IL1RAPL1: variants seen among roughly 807,000 people sequenced by gnomAD.
The protein encoded by IL1RAPL1 is interleukin 1 receptor accessory protein like 1.
A neutral mutation model predicts 48.4 loss-of-function variants in IL1RAPL1; 3 were observed. The observed-to-expected ratio is 0.06, with a 90% CI of 0.03 to 0.16. The LOEUF (loss-of-function observed/expected upper bound fraction) is 0.16, where lower values mean the gene tolerates loss of function less well. Ranked by LOEUF, IL1RAPL1 falls within the 10% of genes least tolerant of loss-of-function variation. The probability of loss-of-function intolerance (pLI) is 1.00; values close to 1 mark genes in which losing one functional copy is unlikely to be tolerated. For missense variants in IL1RAPL1, 349 were observed against 530.6 expected, an observed-to-expected ratio of 0.66 and a Z score of 3.36; for synonymous variants, 185 against 187.7, an observed-to-expected ratio of 0.99 and a Z score of 0.12.
At chrX:29,763,115 T>C (rs1187189946) in intron 6 of IL1RAPL1, among the ~76,000 whole-genome samples, 2 of 108,915 alleles carry the variant, frequency 1.8e-5, no homozygotes, top group African/African-American at 6.7e-5. Flanking sequence ...ATCATGGTAA[T>C]ATAAGGGAAC....
chrX:29,694,548 C>T (rs867510217), intron 6 of IL1RAPL1, among the ~76,000 whole-genome samples: 6 of 111,307 alleles, frequency 5.4e-5, no homozygotes, highest in South Asian at 7.6e-4. Flanking sequence ...GCTTATGAAC[C>T]TTGAAATTTT....
At chrX:29,436,549 C>T (rs1348756506) in intron 5 of IL1RAPL1, among the ~76,000 whole-genome samples, 3 of 109,779 alleles carry the variant, frequency 2.7e-5, no homozygotes, top group Admixed American at 9.7e-5. Flanking sequence ...CATACTCCCC[C>T]GCCCTTTTTT....
intron 1 of IL1RAPL1, among the ~76,000 whole-genome samples, chrX:28,681,742 G>C (rs1269301455): frequency 8.9e-6 from 1 of 111,964 alleles, no homozygotes; most frequent in African/African-American, 3.2e-5. Context: ...ATTTAAGAAT[G>C]TATACATATA....
At chrX:29,457,209 A>G (rs746370568) in intron 5 of IL1RAPL1, among the ~76,000 whole-genome samples, 2 of 108,542 alleles carry the variant, frequency 1.8e-5, no homozygotes, top group East Asian at 5.7e-4. Flanking sequence ...TTTGGTCCAA[A>G]GCATGTGTTT....
chrX:29,268,727 C>A (rs1020073591), intron 2 of IL1RAPL1, among the ~76,000 whole-genome samples: 12 of 111,930 alleles, frequency 1.1e-4, no homozygotes, highest in African/African-American at 3.9e-4. Flanking sequence ...CTGCTTAATG[C>A]GCTATGCAGT....
chrX:29,414,821 A>C (rs767070250), intron 5 of IL1RAPL1, among the ~76,000 whole-genome samples: 1 of 112,004 alleles, frequency 8.9e-6, no homozygotes, highest in African/African-American at 3.2e-5. Flanking sequence ...CTTTATATTA[A>C]CTGCTTTTAG....
chrX:29,414,299 AT>A (rs1173210404), intron 5 of IL1RAPL1, among the ~76,000 whole-genome samples: 1 of 112,114 alleles, frequency 8.9e-6, no homozygotes, highest in Non-Finnish European at 1.9e-5. Flanking sequence ...TTTTGAATGT[AT>A]TTAATGCCAT....
At chrX:28,930,157 A>G (rs189739584) in intron 2 of IL1RAPL1, among the ~76,000 whole-genome samples, 96 of 112,138 alleles carry the variant, frequency 8.6e-4, no homozygotes, top group African/African-American at 2.9e-3. Flanking sequence ...TATGTCAACA[A>G]TCCTTACTCT....
intron 1 of IL1RAPL1, among the ~76,000 whole-genome samples, chrX:28,629,044 C>T (rs1179523667): frequency 9.0e-6 from 1 of 111,428 alleles, no homozygotes; most frequent in Non-Finnish European, 1.9e-5. Flanking sequence ...TATGTATTAT[C>T]ATTTTGCAAA....
At chrX:29,276,766 T>G (rs762176169) in intron 2 of IL1RAPL1, among the ~76,000 whole-genome samples, 1 of 111,454 alleles carries the variant, frequency 9.0e-6, no homozygotes, top group African/African-American at 3.3e-5. Flanking sequence ...TCCTCCCACA[T>G]CAGCCTTTTG....
chrX:29,307,811 T>C (rs750810223), intron 3 of IL1RAPL1, among the ~76,000 whole-genome samples: 45 of 112,225 alleles, frequency 4.0e-4, no homozygotes, highest in Non-Finnish European at 5.5e-4. Flanking sequence ...TTGGAGATGA[T>C]AAAATACAAG....
At chrX:29,244,444 A>T (rs1469238433) in intron 2 of IL1RAPL1, among the ~76,000 whole-genome samples, 4 of 112,334 alleles carry the variant, frequency 3.6e-5, no homozygotes, top group Admixed American at 9.4e-5. Context: ...TAGCATTTTG[A>T]TGGGAGAATT....
intron 2 of IL1RAPL1, among the ~76,000 whole-genome samples, chrX:28,971,353 A>C (rs1925066502): frequency 8.9e-6 from 1 of 112,460 alleles, no homozygotes; most frequent in African/African-American, 3.2e-5. Flanking sequence ...AAAAAAGAAG[A>C]AACAGTTTTG....
chrX:29,483,850 CG>C (rs1465583401), intron 5 of IL1RAPL1, among the ~76,000 whole-genome samples: 1 of 109,930 alleles, frequency 9.1e-6, no homozygotes, highest in Non-Finnish European at 1.9e-5. Context: ...CGCCACCATA[CG>C]TGGCTGATTT....
chrX:29,180,239 A>G (rs890436853), intron 2 of IL1RAPL1, among the ~76,000 whole-genome samples: 1 of 110,573 alleles, frequency 9.0e-6, no homozygotes, highest in African/African-American at 3.3e-5. Flanking sequence ...TTGAGGAACA[A>G]TGTTTTATAT....
intron 2 of IL1RAPL1, among the ~76,000 whole-genome samples, chrX:29,164,808 G>T (rs1298279466): frequency 9.0e-6 from 1 of 110,610 alleles, no homozygotes; most frequent in African/African-American, 3.3e-5. Context: ...TTGTGTATGT[G>T]TGTGTGTGTA....
intron 2 of IL1RAPL1, among the ~76,000 whole-genome samples, chrX:29,176,622 T>A (rs376697998): frequency 8.7e-4 from 97 of 111,263 alleles, no homozygotes; most frequent in African/African-American, 3.0e-3. Flanking sequence ...TTCATTCGAT[T>A]TTTTTCCTCT....
At chrX:29,763,183 G>T (rs1928796338) in intron 6 of IL1RAPL1, among the ~76,000 whole-genome samples, 1 of 109,688 alleles carries the variant, frequency 9.1e-6, no homozygotes, top group African/African-American at 3.3e-5. Context: ...CCTAGCTCTT[G>T]TGCGATAGTA....
intron 5 of IL1RAPL1, among the ~76,000 whole-genome samples, chrX:29,626,280 G>A (rs145941166): frequency 8.9e-6 from 1 of 112,184 alleles, no homozygotes; most frequent in East Asian, 2.8e-4. Flanking sequence ...GATTGGAAGT[G>A]TATCAATGCA....
Sources: gnomAD v4.1 joint callset for allele counts (sites outside exome capture counted in the v4.1 genomes callset) on GRCh38, gnomAD v4.1.1 for gene constraint, MANE v1.5 for transcripts, NCBI Gene and HGNC (gene_info 2026-07-23, HGNC 2026-07-21) for gene names.